CACNA2D3: variants seen among roughly 807,000 people sequenced by gnomAD.
CACNA2D3 encodes the protein calcium voltage-gated channel auxiliary subunit alpha2delta 3.
Under a neutral mutation model 160.6 loss-of-function variants are expected in CACNA2D3, and 60 were observed. The observed-to-expected ratio is 0.37, with a 90% CI of 0.30 to 0.46. CACNA2D3 has a LOEUF of 0.46. Ranked by LOEUF, CACNA2D3 falls within the 20% of genes least tolerant of loss-of-function variation. CACNA2D3 has a pLI of 1.00. For synonymous variants in CACNA2D3, 558 were observed against 492.9 expected, an observed-to-expected ratio of 1.13 and a Z score of -1.75; for missense variants, 1,205 against 1,365.0, an observed-to-expected ratio of 0.88 and a Z score of 1.85.
intron 3 of CACNA2D3, among the ~76,000 whole-genome samples, chr3:54,337,297 T>C (rs1704406985): frequency 6.6e-6 from 1 of 152,204 alleles, no homozygotes; most frequent in Non-Finnish European, 1.5e-5. Flanking sequence ...AACAACCTCA[T>C]GAGGTAGGTG....
chr3:54,906,882 G>A (rs896684609), intron 27 of CACNA2D3, among the ~76,000 whole-genome samples: 2 of 152,214 alleles, frequency 1.3e-5, no homozygotes, highest in African/African-American at 2.4e-5. Context: ...AAAGTCTACA[G>A]CAGAGTTTGA....
chr3:54,187,769 C>A (rs576948728), intron 2 of CACNA2D3, among the ~76,000 whole-genome samples: 4 of 152,222 alleles, frequency 2.6e-5, no homozygotes, highest in African/African-American at 9.6e-5. Context: ...CAACCTGAAT[C>A]CCTCGCATGC....
chr3:54,715,177 A>T (rs1053149981), intron 11 of CACNA2D3, among the ~76,000 whole-genome samples: 8 of 152,214 alleles, frequency 5.3e-5, no homozygotes, highest in African/African-American at 1.9e-4. Context: ...CCACAACCTC[A>T]TCCTTGAGAT....
At chr3:54,779,050 ATTACTTTTGCCCACCGTTATGATG>A (rs1438930647) in intron 13 of CACNA2D3, among the ~76,000 whole-genome samples, 1 of 151,948 alleles carries the variant, frequency 6.6e-6, no homozygotes, top group Non-Finnish European at 1.5e-5. Flanking sequence ...TAAAATTGAT[ATTACTTTTGCCCACCGTTATGATG>A]TTACTTTTGC....
chr3:54,346,330 G>T (rs962846296), intron 3 of CACNA2D3, among the ~76,000 whole-genome samples: 1 of 152,126 alleles, frequency 6.6e-6, no homozygotes, highest in Non-Finnish European at 1.5e-5. Flanking sequence ...GATCATTTTG[G>T]GCTGTTGGAG....
chr3:54,764,417 A>G, intron 13 of CACNA2D3, 66 bp downstream of exon 13: 2 of 1,574,520 alleles, frequency 1.3e-6, no homozygotes, highest in South Asian at 1.1e-5. Context: ...TGTTAATTCC[A>G]GAAAATAGCA....
chr3:54,878,258 T>G (rs182386515), intron 18 of CACNA2D3, among the ~76,000 whole-genome samples: 1 of 152,310 alleles, frequency 6.6e-6, no homozygotes, highest in Admixed American at 6.5e-5. Context: ...TGTCAGCGTT[T>G]GCTCCTATTC....
chr3:54,364,979 C>T (rs1432348983), intron 3 of CACNA2D3, among the ~76,000 whole-genome samples: 1 of 152,156 alleles, frequency 6.6e-6, no homozygotes, highest in Non-Finnish European at 1.5e-5. Context: ...AGATTGAAGA[C>T]AAATTTTATG....
chr3:54,429,855 A>T (rs2106770371), intron 4 of CACNA2D3, among the ~76,000 whole-genome samples: 1 of 152,340 alleles, frequency 6.6e-6, no homozygotes, highest in South Asian at 2.1e-4. Flanking sequence ...GGATTTCATT[A>T]TACTGCAGAA....
intron 11 of CACNA2D3, among the ~76,000 whole-genome samples, chr3:54,682,334 G>T (rs762147940): frequency 6.6e-6 from 1 of 152,040 alleles, no homozygotes; most frequent in Non-Finnish European, 1.5e-5. Flanking sequence ...AATCAATAAG[G>T]AATAGAATTA....
At chr3:54,250,545 C>A (rs545924422) in intron 2 of CACNA2D3, among the ~76,000 whole-genome samples, 1 of 152,148 alleles carries the variant, frequency 6.6e-6, no homozygotes, top group Admixed American at 6.5e-5. Flanking sequence ...GTGATCCTCT[C>A]ACCTCACCCT....
chr3:54,624,753 C>G (rs1559530250), intron 9 of CACNA2D3, among the ~76,000 whole-genome samples: 2 of 152,250 alleles, frequency 1.3e-5, no homozygotes, highest in Non-Finnish European at 2.9e-5. Context: ...CTTTGTGAAT[C>G]TAGGGCTGGT....
chr3:54,910,559 C>T (rs1350150772), intron 27 of CACNA2D3, among the ~76,000 whole-genome samples: 1 of 152,132 alleles, frequency 6.6e-6, no homozygotes, highest in East Asian at 1.9e-4. Flanking sequence ...TCCAACCCTC[C>T]TAGGTCTCGT....
chr3:54,368,261 G>A (rs1002973618), intron 3 of CACNA2D3, among the ~76,000 whole-genome samples: 4 of 152,098 alleles, frequency 2.6e-5, no homozygotes, highest in African/African-American at 9.7e-5. Context: ...CTTGAGCCCG[G>A]GAGTTCTAGA....
At position 54,298,153 on chromosome 3, in the gene CACNA2D3, C is replaced by G. The variant is rs185204207; in HGVS notation, c.205-22289C>G. On this transcript the variant is annotated intron_variant, in intron 2 of 37. Coordinates refer to ENST00000474759, the MANE Select transcript of CACNA2D3 (RefSeq NM_018398.3). ...TAGGGACTTCTTACAGGCAGTGGCC[C>G]TTGATCTGGGTATTGATGGATGAGT... Among the ~76,000 whole-genome samples, 359 of 152,292 alleles carry G rather than the reference C, an allele frequency of 2.4e-3. 1 individual carries two copies. The highest frequency in any genetic ancestry group is 0.02 in the Middle Eastern group (6 of 294).
At chr3:54,428,931 T>A (rs187778316) in intron 4 of CACNA2D3, among the ~76,000 whole-genome samples, 5 of 152,366 alleles carry the variant, frequency 3.3e-5, no homozygotes, top group Admixed American at 6.5e-5. Flanking sequence ...TGTCTTACCA[T>A]TGGGGCTTTG....
At chr3:54,928,394 G>A (rs528712896) in intron 27 of CACNA2D3, among the ~76,000 whole-genome samples, 3 of 152,222 alleles carry the variant, frequency 2.0e-5, no homozygotes, top group East Asian at 3.9e-4. Flanking sequence ...TAACCATGCC[G>A]GGTCACCCCT....
intron 13 of CACNA2D3, among the ~76,000 whole-genome samples, chr3:54,788,328 A>G (rs1702680185): frequency 6.6e-6 from 1 of 152,084 alleles, no homozygotes; most frequent in Non-Finnish European, 1.5e-5. Context: ...GTTTTGTCTA[A>G]TATTCCTTGC....
chr3:54,956,002 T>C (rs1171844772), intron 27 of CACNA2D3, among the ~76,000 whole-genome samples: 1 of 152,144 alleles, frequency 6.6e-6, no homozygotes, highest in African/African-American at 2.4e-5. Flanking sequence ...TTCCAGGAAA[T>C]GAGAGGGAAA....
Sources: gnomAD v4.1 joint callset for allele counts (sites outside exome capture counted in the v4.1 genomes callset) on GRCh38, gnomAD v4.1.1 for gene constraint, MANE v1.5 for transcripts, NCBI Gene and HGNC (gene_info 2026-07-23, HGNC 2026-07-21) for gene names.